Variants in UCK2 observed in about 807,000 individuals in gnomAD.
UCK2 encodes uridine-cytidine kinase 2.
A neutral mutation model predicts 30.8 loss-of-function variants in UCK2; 6 were observed. That is an observed-to-expected ratio of 0.19 (90% CI 0.11 to 0.38). The LOEUF (loss-of-function observed/expected upper bound fraction) is 0.38. Ranked by LOEUF, UCK2 falls within the 10% of genes least tolerant of loss-of-function variation. The pLI, the probability that UCK2 is intolerant of heterozygous loss-of-function variation, is 1.00. For missense variants in UCK2, 210 were observed against 339.8 expected, an observed-to-expected ratio of 0.62 and a Z score of 3.00; for synonymous variants, 125 against 133.6, an observed-to-expected ratio of 0.94 and a Z score of 0.45.
At chr1:165,860,446 T>G (rs1654866724) in intron 1 of UCK2, among the ~76,000 whole-genome samples, 1 of 152,138 alleles carries the variant, frequency 6.6e-6, no homozygotes, top group Admixed American at 6.5e-5. Context: ...CTTTTTTTTT[T>G]GAGACAGGGT....
At chr1:165,854,442 G>T (rs1430187313) in intron 1 of UCK2, among the ~76,000 whole-genome samples, 7 of 152,030 alleles carry the variant, frequency 4.6e-5, no homozygotes, top group African/African-American at 1.7e-4. Flanking sequence ...TTTGCTGTAG[G>T]ACCTGATTAG....
intron 1 of UCK2, among the ~76,000 whole-genome samples, chr1:165,882,971 C>T (rs558617573): frequency 2.0e-5 from 3 of 152,192 alleles, no homozygotes; most frequent in Non-Finnish European, 2.9e-5. Flanking sequence ...ACTACAGGCG[C>T]GTGCCACCAC....
rs147215041 is a variant in UCK2 at position 165,877,163 on chromosome 1, C to CACTG, written c.100-13040_100-13037dup. Among the ~76,000 whole-genome samples, 332 of 152,248 alleles carry CACTG rather than the reference C, an allele frequency of 2.2e-3. 2 individuals are homozygous for CACTG. Among genetic ancestry groups the CACTG allele is most frequent in the Non-Finnish European group, 4.0e-3 (275 of 68,026 alleles). On this transcript the variant is annotated intron_variant, in intron 1 of 6. Coordinates refer to ENST00000367879, the MANE Select transcript of UCK2 (RefSeq NM_012474.5). ...TCATCTCATCCCAATTAATTATTAA[C>CACTG]ACTGCTTTGTGAGGAAAAATTAAGA...
chr1:165,910,835 G>A lies in UCK2; in HGVS notation c.*3012G>A, dbSNP rs1288874241. The A allele has an allele frequency of 6.6e-6, 1 of 152,256 alleles. No individual in the cohort carries two copies. Among genetic ancestry groups the A allele is most frequent in the Non-Finnish European group, 1.5e-5 (1 of 68,078 alleles). The allele number at this position is 152,256 out of a possible 1,614,324, so 9.4% of individuals were successfully genotyped here. ...TTGGCCACTTGGCAATCATGGGGAA[G>A]TTGACTCCCCGCCTCACTTGGGCTT... On this transcript the variant is annotated 3_prime_UTR_variant, in exon 7 of 7. Coordinates refer to ENST00000367879, the MANE Select transcript of UCK2 (RefSeq NM_012474.5).
At chr1:165,902,085 A>T (rs957258234) in intron 4 of UCK2, among the ~76,000 whole-genome samples, 2 of 151,970 alleles carry the variant, frequency 1.3e-5, no homozygotes, top group African/African-American at 4.8e-5. Flanking sequence ...AAATACAAAA[A>T]ATTAGCCAGG....
intron 1 of UCK2, among the ~76,000 whole-genome samples, chr1:165,843,940 AATGT>A (rs1011221949): frequency 6.6e-5 from 10 of 152,122 alleles, no homozygotes; most frequent in Non-Finnish European, 1.5e-4. Context: ...ATCTCTTTTC[AATGT>A]ATTTCTTTTG....
At chr1:165,840,147 G>A (rs1436567031) in intron 1 of UCK2, among the ~76,000 whole-genome samples, 4 of 152,222 alleles carry the variant, frequency 2.6e-5, no homozygotes, top group East Asian at 1.9e-4. Context: ...TTGAATTCCC[G>A]ACCTCAAGTT....
At chr1:165,828,215 C>T (rs1305425906) in intron 1 of UCK2, among the ~76,000 whole-genome samples, 1 of 152,028 alleles carries the variant, frequency 6.6e-6, no homozygotes, top group Non-Finnish European at 1.5e-5. Flanking sequence ...AACTCGTGGC[C>T]GGGGTCCTAT....
chr1:165,881,014 A>G (rs1474549422), intron 1 of UCK2, among the ~76,000 whole-genome samples: 2 of 151,968 alleles, frequency 1.3e-5, no homozygotes, highest in African/African-American at 4.8e-5. Flanking sequence ...TCTACTAAAA[A>G]TACAAAAAAT....
chr1:165,898,483 T>C (rs941759777), intron 4 of UCK2, among the ~76,000 whole-genome samples: 15 of 152,148 alleles, frequency 9.9e-5, no homozygotes, highest in African/African-American at 3.1e-4. Flanking sequence ...ACTGGTTAGA[T>C]CCTCCAAGGG....
chr1:165,830,192 A>G (rs1654009424), intron 1 of UCK2, among the ~76,000 whole-genome samples: 1 of 150,578 alleles, frequency 6.6e-6, no homozygotes, highest in South Asian at 2.1e-4. Context: ...TTTTGTAGAG[A>G]AGGGGTTTTG....
At position 165,856,898 on chromosome 1, in the gene UCK2, AG is replaced by A. The variant is rs1232900394; in HGVS notation, c.99+28969del. ...AAATATGGCCCTCATAGGCGGCCCCAGGGTTTTTTTTTTTTTTTTTTTACTT... is the reference window on the plus strand; with the variant it reads ...AAATATGGCCCTCATAGGCGGCCCCAGGTTTTTTTTTTTTTTTTTTTACTT... On this transcript the variant is annotated intron_variant, in intron 1 of 6. Transcript: ENST00000367879. Among the ~76,000 whole-genome samples, 5 of 111,796 alleles carry A rather than the reference AG, an allele frequency of 4.5e-5. No individual in the cohort carries two copies. The East Asian group carries it at 1.2e-3, about 28-fold the overall frequency. The allele number at this position is 111,796 out of a possible 152,430, so 73.3% of individuals were successfully genotyped here. A position where few individuals can be genotyped will look rare whatever the true frequency, so the allele number is the denominator to read the frequency against.
chr1:165,842,005 A>T (rs1025585049), intron 1 of UCK2, among the ~76,000 whole-genome samples: 1 of 152,226 alleles, frequency 6.6e-6, no homozygotes, highest in Non-Finnish European at 1.5e-5. Flanking sequence ...GTTAATGACT[A>T]TGCTAAAGCT....
Position 165,907,887 on chromosome 1 carries a change from T to C in UCK2, c.*64T>C. The C allele has an allele frequency of 1.9e-6, 3 of 1,587,078 alleles. No individual in the cohort carries two copies. Among genetic ancestry groups the C allele is most frequent in the Non-Finnish European group, 2.6e-6 (3 of 1,164,026 alleles). On this transcript the variant is annotated 3_prime_UTR_variant, in exon 7 of 7. Transcript: ENST00000367879. The stretch of plus-strand genomic sequence containing the variant: ...CAGAGGAGGGGTCAGGAGGCACTGC[T>C]CATCTGTACATACTGTTTCCTATGA...
intron 1 of UCK2, among the ~76,000 whole-genome samples, chr1:165,834,353 A>G (rs1171119898): frequency 6.6e-6 from 1 of 152,128 alleles, no homozygotes; most frequent in Non-Finnish European, 1.5e-5. Context: ...AGTCCCAGCT[A>G]CTTGGGAGAC....
intron 1 of UCK2, among the ~76,000 whole-genome samples, chr1:165,853,010 C>T (rs1472384960): frequency 1.3e-5 from 2 of 152,154 alleles, no homozygotes; most frequent in Non-Finnish European, 2.9e-5. Context: ...TTCTAAGTTG[C>T]CCCTTTGATT....
At chr1:165,906,434 A>C (rs1647662220) in intron 6 of UCK2, among the ~76,000 whole-genome samples, 1 of 152,172 alleles carries the variant, frequency 6.6e-6, no homozygotes, top group Non-Finnish European at 1.5e-5. Context: ...ACCAAGATGG[A>C]AGTGCAGTAG....
intron 4 of UCK2, among the ~76,000 whole-genome samples, chr1:165,901,751 G>A (rs1217173170): frequency 6.6e-6 from 1 of 152,076 alleles, no homozygotes; most frequent in Non-Finnish European, 1.5e-5. Context: ...CCTACTCATG[G>A]GGAAACTAAG....
Position 165,891,342 on chromosome 1 carries a change from C to T in UCK2, c.356+20C>T, listed in dbSNP as rs1439259578. On this transcript the variant is annotated intron_variant, in intron 3 of 6. Coordinates refer to ENST00000367879, the MANE Select transcript of UCK2 (RefSeq NM_012474.5). Reference sequence around the variant, plus strand: ...TTCCCGGTAAGTGAGCTGTTCTGGGCCAGGGATGGCACCCACTGCTCCGCA... The same window carrying T: ...TTCCCGGTAAGTGAGCTGTTCTGGGTCAGGGATGGCACCCACTGCTCCGCA... The T allele has an allele frequency of 1.2e-6, 2 of 1,606,076 alleles. No individual in the cohort carries two copies. Among genetic ancestry groups the T allele is most frequent in the African/African-American group, 1.3e-5 (1 of 74,884 alleles).
Sources: allele counts gnomAD v4.1 joint callset (sites outside exome capture counted in the v4.1 genomes callset), GRCh38; gene constraint gnomAD v4.1.1; transcripts MANE v1.5; gene names NCBI Gene and HGNC (gene_info 2026-07-23, HGNC 2026-07-21).